The following DNAJB7 variants were observed in gnomAD, a reference collection of about 807,000 sequenced individuals.
The protein encoded by DNAJB7 is DnaJ heat shock protein family (Hsp40) member B7.
Under a neutral mutation model 1.2 loss-of-function variants are expected in DNAJB7, and 1 was observed. The ratio of observed to expected loss-of-function variants is 0.84; its 90% confidence interval spans 0.30 to 4.01. The LOEUF is 4.01. Among genes scored for constraint, DNAJB7 ranks in the 30% most tolerant of loss-of-function variants. DNAJB7 has a pLI of 0.18. For missense variants in DNAJB7, 420 were observed against 358.5 expected (o/e 1.17, Z -1.39); for synonymous variants, 128 against 127.7 (o/e 1.00, Z -0.01).
Position 40,861,780 on chromosome 22 carries a change from CCTT to C in DNAJB7, c.212_214del (p.Glu71del). 6.2e-7 allele frequency: 1 copy of C among 1,613,368 alleles called. No individual in the cohort carries two copies. Among genetic ancestry groups the C allele is most frequent in the South Asian group, 1.1e-5 (1 of 90,926 alleles). On this transcript the variant is annotated inframe_deletion, in exon 1 of 1. Coordinates refer to ENST00000307221, the MANE Select transcript of DNAJB7 (RefSeq NM_145174.2). ...AAAATGACTTCCACCTCCGTTTAAT[CCTT>C]CTGTGCCATATTTATCATAAATGTC...
In DNAJB7 at chr22:40,860,974, C is replaced by G; in HGVS notation, c.*91G>C. 1.6e-6 allele frequency: 2 copies of G among 1,239,224 alleles called. No individual in the cohort carries two copies. Among genetic ancestry groups the G allele is most frequent in the Non-Finnish European group, 2.2e-6 (2 of 895,900 alleles). The allele number at this position is 1,239,224 out of a possible 1,614,324, so 76.8% of individuals were successfully genotyped here. On this transcript the variant is annotated 3_prime_UTR_variant, in exon 1 of 1. Coordinates refer to ENST00000307221, the MANE Select transcript of DNAJB7 (RefSeq NM_145174.2). ...ATCCTGCTAAAAGTGTTGAAAAGCT[C>G]TTAGTATAGTATTAAGTGTTATCTA...
rs1391046954 is a variant in DNAJB7 at position 40,861,990 on chromosome 22, A to T, written c.5T>A (p.Val2Glu). The T allele has an allele frequency of 1.3e-6, 2 of 1,588,354 alleles. No homozygotes were observed. The highest frequency in any genetic ancestry group is 3.6e-5 in the Admixed American group (2 of 54,886). The change falls in exon 1 of 1, where the codon GTG becomes GAG. Residue 2 changes from valine (V) to glutamate (E), a missense_variant. Coordinates refer to ENST00000307221, the MANE Select transcript of DNAJB7 (RefSeq NM_145174.2). ...CAGTCCTAGAACTTCATAGTAATCC[A>T]CCATGTTTTAACAGATAGTTGGAAG... M[V>E]DYYEVLGLQR...
the DNAJB7 span, chr22:40,861,100 CT>C: frequency 6.2e-7 from 1 of 1,610,532 alleles, no homozygotes; most frequent in Non-Finnish European, 8.5e-7. Flanking sequence ...TTTTGCACCT[CT>C]TTACGCTTCT....
chr22:40,860,655 CCTT>C lies in DNAJB7; in HGVS notation c.*407_*409del. The C allele has an allele frequency of 7.8e-7, 1 of 1,289,078 alleles. No homozygotes were observed. Among genetic ancestry groups the C allele is most frequent in the Non-Finnish European group, 1.0e-6 (1 of 955,058 alleles). The allele number at this position is 1,289,078 out of a possible 1,614,324, so 79.9% of individuals were successfully genotyped here. A position where few individuals can be genotyped will look rare whatever the true frequency, so the allele number is the denominator to read the frequency against. ...AAAACTCATTGCAGTTTTCCAAATT[CCTT>C]TTTTTTTTTTTTAAGACAGGGTCTT... On this transcript the variant is annotated 3_prime_UTR_variant, in exon 1 of 1. Transcript: ENST00000307221.
In DNAJB7 at chr22:40,861,673, A is replaced by C; in HGVS notation, c.322T>G (p.Ser108Ala). Residue 108 changes from serine (S) to alanine (A), a missense_variant, in exon 1 of 1, where the codon TCT becomes GCT. Physicochemically the swap from Ser to Ala is moderately conservative, Grantham distance 99. Coordinates refer to ENST00000307221, the MANE Select transcript of DNAJB7 (RefSeq NM_145174.2). ...KEIFHERDPF[S>A]FHFFEDSLED... is the part of the protein sequence containing the mutation. The stretch of plus-strand genomic sequence containing the variant: ...AGCGAGTCTTCAAAGAAGTGAAAAG[A>C]AAATGGATCCCTTTCATGAAAAATT... The C allele has an allele frequency of 6.2e-7, 1 of 1,614,188 alleles. No individual in the cohort carries two copies. Among genetic ancestry groups the C allele is most frequent in the Non-Finnish European group, 8.5e-7 (1 of 1,180,038 alleles).
In DNAJB7 at chr22:40,861,606, C is replaced by G; in HGVS notation, c.389G>C (p.Arg130Thr). The G allele has an allele frequency of 6.2e-7, 1 of 1,612,940 alleles. No individual in the cohort carries two copies. Residue 130 changes from arginine (R) to threonine (T), a missense_variant, in exon 1 of 1, where the codon AGA becomes ACA. By Grantham distance (71) the Arg-to-Thr change is moderately conservative. Transcript: ENST00000307221. ...LNRPGSSYGN[R>T]NRDAGYFFST... ...GAAAAAGTATCCTGCATCTCTGTTT[C>G]TGTTTCCATAGGAGCTTCCTGGACG...
At position 40,860,776 on chromosome 22, in the gene DNAJB7, G is replaced by A. The variant is rs1357206270; in HGVS notation, c.*289C>T. 9 of 687,014 alleles carry A rather than the reference G, an allele frequency of 1.3e-5. No individual in the cohort carries two copies. Among genetic ancestry groups the A allele is most frequent in the East Asian group, 2.9e-5 (1 of 34,826 alleles). 42.6% of individuals were successfully genotyped at this position (687,014 alleles called of 1,614,324 possible). A position where few individuals can be genotyped will look rare whatever the true frequency, so the allele number is the denominator to read the frequency against. ...CAAGCAGTCTTTCTACCAGCTTCCCGAGTAGCTGGGACTACAGGTGCACAC... is the reference window on the plus strand; with the variant it reads ...CAAGCAGTCTTTCTACCAGCTTCCCAAGTAGCTGGGACTACAGGTGCACAC... On this transcript the variant is annotated 3_prime_UTR_variant, in exon 1 of 1. Coordinates refer to ENST00000307221, the MANE Select transcript of DNAJB7 (RefSeq NM_145174.2).
In DNAJB7 at chr22:40,860,195, G is replaced by A. The variant is rs1246015596; in HGVS notation, c.*870C>T. 1 of 152,172 alleles carries A rather than the reference G, an allele frequency of 6.6e-6. No homozygotes were observed. Among genetic ancestry groups the A allele is most frequent in the African/African-American group, 2.4e-5 (1 of 41,352 alleles). The allele number at this position is 152,172 out of a possible 1,614,324, so 9.4% of individuals were successfully genotyped here. A position where few individuals can be genotyped will look rare whatever the true frequency, so the allele number is the denominator to read the frequency against. On this transcript the variant is annotated 3_prime_UTR_variant, in exon 1 of 1. Transcript: ENST00000307221. Reference sequence around the variant, plus strand: ...GGGCTCAAGCAATCCTCCCACCTCAGCCTCCTAAGTAGCTAGGCCTACAGG... The same window carrying A: ...GGGCTCAAGCAATCCTCCCACCTCAACCTCCTAAGTAGCTAGGCCTACAGG...
rs140925863 is a variant in DNAJB7 at position 40,861,465 on chromosome 22, T to C, written c.530A>G (p.Asp177Gly). ...TATGTAGTTGTCCATCCCACTATTA[T>C]CAAAAGCCAGGGAAGAGAAAGAAGT... ...GLTSFSSLAF[D>G]NSGMDNYISV... Residue 177 changes from aspartate (D) to glycine (G), a missense_variant, in exon 1 of 1, where the codon GAT becomes GGT. Transcript: ENST00000307221. The C allele has an allele frequency of 1.2e-4, 189 of 1,614,038 alleles. 1 individual carries two copies. The African/African-American group carries it at 2.5e-3, about 21-fold the overall frequency.
chr22:40,860,692 A>T lies in DNAJB7; in HGVS notation c.*373T>A. ...TTTTAAGACAGGGTCTTACTTTGTC[A>T]CCCAAGCTGGAGTGCAGTGGCGTGA... On this transcript the variant is annotated 3_prime_UTR_variant, in exon 1 of 1. Coordinates refer to ENST00000307221, the MANE Select transcript of DNAJB7 (RefSeq NM_145174.2). 8.5e-7 allele frequency: 1 copy of T among 1,176,998 alleles called. No homozygotes were observed. The highest frequency in any genetic ancestry group is 1.2e-6 in the Non-Finnish European group (1 of 846,416). 72.9% of individuals were successfully genotyped at this position (1,176,998 alleles called of 1,614,324 possible).
chr22:40,859,772 A>G lies in DNAJB7; in HGVS notation c.*1293T>C, dbSNP rs1382612513. On this transcript the variant is annotated 3_prime_UTR_variant, in exon 1 of 1. Transcript: ENST00000307221. ...TCGCATTTGTATTTGGCCAAAGTTG[A>G]ATAAGTTTTAGTGCTGCTAGATGTA... 2.6e-5 allele frequency: 4 copies of G among 152,362 alleles called. No individual in the cohort carries two copies. The East Asian group carries it at 7.7e-4, about 29-fold the overall frequency. The allele number at this position is 152,362 out of a possible 1,614,324, so 9.4% of individuals were successfully genotyped here. A position where few individuals can be genotyped will look rare whatever the true frequency, so the allele number is the denominator to read the frequency against.
chr22:40,860,890 C>G lies in DNAJB7; in HGVS notation c.*175G>C, dbSNP rs897345894. On this transcript the variant is annotated 3_prime_UTR_variant, in exon 1 of 1. Coordinates refer to ENST00000307221, the MANE Select transcript of DNAJB7 (RefSeq NM_145174.2). ...AATTCTTATTAGCACCAACTGTCAC[C>G]ACAAACTCATCCTTTTCTGACATAC... The G allele has an allele frequency of 7.3e-6, 5 of 688,036 alleles. No individual in the cohort carries two copies. The highest frequency in any genetic ancestry group is 1.2e-5 in the Non-Finnish European group (5 of 426,306). The allele number at this position is 688,036 out of a possible 1,614,324, so 42.6% of individuals were successfully genotyped here.
In DNAJB7 at chr22:40,861,317, A is replaced by G. The variant is rs75204379; in HGVS notation, c.678T>C (p.Ser226=). Residue 226 remains serine, a synonymous_variant, in exon 1 of 1, where the codon AGT becomes AGC. Transcript: ENST00000307221. ...TTGCAAAGCCCTCTTCATTGGCCAC[A>G]CTATTTACAAGAAAAAATGTCAACT... ...NGELTFFLVN[S]VANEEGFAKE... is the part of the protein sequence containing the mutation. 1.4e-5 allele frequency: 23 copies of G among 1,614,102 alleles called. 1 individual carries two copies. In the East Asian group the frequency reaches 4.9e-4, roughly 34 times the overall value.
chr22:40,861,766 C>A, the DNAJB7 span: 1 of 1,613,432 alleles, frequency 6.2e-7, no homozygotes, highest in Non-Finnish European at 8.5e-7. Context: ...AAATGACTTC[C>A]ACCTCCGTTT....
chr22:40,860,708 A>C lies in DNAJB7; in HGVS notation c.*357T>G. On this transcript the variant is annotated 3_prime_UTR_variant, in exon 1 of 1. Transcript: ENST00000307221. ...TACTTTGTCACCCAAGCTGGAGTGC[A>C]GTGGCGTGATCCCATTACACTGCAA... 9.6e-7 allele frequency: 1 copy of C among 1,042,608 alleles called. No homozygotes were observed. The highest frequency in any genetic ancestry group is 1.4e-6 in the Non-Finnish European group (1 of 721,124). The allele number at this position is 1,042,608 out of a possible 1,614,324, so 64.6% of individuals were successfully genotyped here.
the DNAJB7 span, chr22:40,861,535 CAT>C: frequency 1.3e-5 from 21 of 1,613,516 alleles, no homozygotes; most frequent in African/African-American, 2.7e-5. Flanking sequence ...TATCCTGTAT[CAT>C]ATGAAGAAAA....
chr22:40,861,899 A>G lies in DNAJB7; in HGVS notation c.96T>C (p.Pro32=). Residue 32 remains proline, a synonymous_variant, in exon 1 of 1, where the codon CCT becomes CCC. Transcript: ENST00000307221. ...AYHKVALKWH[P]DKNPENKEEA... ...CTTCTTTATTTTCTGGATTTTTATC[A>G]GGGTGCCATTTAAGTGCCACTTTAT... The G allele has an allele frequency of 6.2e-7, 1 of 1,613,936 alleles. No individual in the cohort carries two copies. Among genetic ancestry groups the G allele is most frequent in the Non-Finnish European group, 8.5e-7 (1 of 1,179,982 alleles).
In DNAJB7 at chr22:40,860,770, C is replaced by A; in HGVS notation, c.*295G>T. On this transcript the variant is annotated 3_prime_UTR_variant, in exon 1 of 1. Transcript: ENST00000307221. ...CAGGCTCAAGCAGTCTTTCTACCAG[C>A]TTCCCGAGTAGCTGGGACTACAGGT... 2 of 713,112 alleles carry A rather than the reference C, an allele frequency of 2.8e-6. No homozygotes were observed. Among genetic ancestry groups the A allele is most frequent in the South Asian group, 2.0e-5 (1 of 48,872 alleles). The allele number at this position is 713,112 out of a possible 1,614,324, so 44.2% of individuals were successfully genotyped here.
chr22:40,861,008 G>C lies in DNAJB7; in HGVS notation c.*57C>G. 6.7e-7 allele frequency: 1 copy of C among 1,493,042 alleles called. No individual in the cohort carries two copies. The highest frequency in any genetic ancestry group is 2.2e-5 in the Admixed American group (1 of 45,172). 92.5% of individuals were successfully genotyped at this position (1,493,042 alleles called of 1,614,324 possible). A position where few individuals can be genotyped will look rare whatever the true frequency, so the allele number is the denominator to read the frequency against. On this transcript the variant is annotated 3_prime_UTR_variant, in exon 1 of 1. Transcript: ENST00000307221. The stretch of plus-strand genomic sequence containing the variant: ...GTATTAAGTGTTATCTACAAAATTT[G>C]TGATTAACCAAAACACACACAATTG...
Sources: gnomAD v4.1 joint callset for allele counts on GRCh38, gnomAD v4.1.1 for gene constraint, MANE v1.5 for transcripts, NCBI Gene and HGNC (gene_info 2026-07-23, HGNC 2026-07-21) for gene names.